Variants in DDR2 observed in about 807,000 individuals in gnomAD.
DDR2 encodes discoidin domain receptor tyrosine kinase 2.
DDR2 carries 27 observed loss-of-function variants against 94.9 expected under a neutral mutation model. That is an observed-to-expected ratio of 0.28 (90% confidence interval 0.21 to 0.39). DDR2 has a LOEUF of 0.39. Among genes scored for constraint, DDR2 ranks in the 10% least tolerant of loss-of-function variants. The probability of loss-of-function intolerance (pLI) is 1.00; values close to 1 mark genes in which losing one functional copy is unlikely to be tolerated. For synonymous variants in DDR2, 382 were observed against 377.2 expected, an observed-to-expected ratio of 1.01 and a Z score of -0.15; for missense variants, 783 against 1,076.0, an observed-to-expected ratio of 0.73 and a Z score of 3.81.
At chr1:162,772,728 A>G (rs1647292158) in intron 13 of DDR2, among the ~76,000 whole-genome samples, 1 of 152,134 alleles carries the variant, frequency 6.6e-6, no homozygotes, top group Non-Finnish European at 1.5e-5. Context: ...TAAGATAAGG[A>G]GGAGTACTCT....
intron 3 of DDR2, among the ~76,000 whole-genome samples, chr1:162,729,300 A>ATATATATATAT (rs1416872679): frequency 1.1e-5 from 1 of 94,002 alleles, no homozygotes; most frequent in African/African-American, 5.3e-5. Flanking sequence ...ATATATATAT[A>ATATATATATAT]TTTTTTTTTT....
intron 2 of DDR2, among the ~76,000 whole-genome samples, chr1:162,673,659 G>T (rs1309423172): frequency 6.6e-6 from 1 of 151,350 alleles, no homozygotes; most frequent in African/African-American, 2.4e-5. Flanking sequence ...GCAAGAGAGA[G>T]CCAGAATCTG....
chr1:162,648,993 A>C (rs61069461), intron 1 of DDR2, among the ~76,000 whole-genome samples: 138 of 151,612 alleles, frequency 9.1e-4, no homozygotes, highest in African/African-American at 2.8e-3. Context: ...ATCTCTCACC[A>C]CTCCCCAACC....
At chr1:162,640,110 C>A (rs535478014) in intron 1 of DDR2, among the ~76,000 whole-genome samples, 1 of 149,632 alleles carries the variant, frequency 6.7e-6, no homozygotes, top group African/African-American at 2.5e-5. Context: ...GGTGTGATCT[C>A]GGCTCACTGC....
chr1:162,646,501 C>T (rs1347306780), intron 1 of DDR2, among the ~76,000 whole-genome samples: 1 of 152,152 alleles, frequency 6.6e-6, no homozygotes, highest in East Asian at 1.9e-4. Flanking sequence ...CATGTGAGGA[C>T]ACATGACACC....
At position 162,773,278 on chromosome 1, in the gene DDR2, G is replaced by C. The variant is rs138992490; in HGVS notation, c.1729-191G>C. On this transcript the variant is annotated intron_variant, in intron 13 of 17. Coordinates refer to ENST00000367921, the MANE Select transcript of DDR2 (RefSeq NM_006182.4). The stretch of plus-strand genomic sequence containing the variant: ...AGGCAGGAGAGTGGCACATTAGCTG[G>C]GTACTTTACCATTGTTTTAAATCTT... Among the ~76,000 whole-genome samples the C allele has an allele frequency of 1.6e-4, 25 of 152,160 alleles. No individual in the cohort carries two copies. In the East Asian group the frequency reaches 4.6e-3, roughly 28 times the overall value.
At chr1:162,771,310 G>C (rs1381239864) in intron 12 of DDR2, among the ~76,000 whole-genome samples, 5 of 152,188 alleles carry the variant, frequency 3.3e-5, no homozygotes, top group African/African-American at 1.2e-4. Flanking sequence ...AGAGGAGCTA[G>C]GCCTGAGCTG....
intron 7 of DDR2, 48 bp from the exon 8 acceptor site, chr1:162,759,748 A>T: frequency 6.2e-7 from 1 of 1,609,834 alleles, no homozygotes; most frequent in Non-Finnish European, 8.5e-7. Flanking sequence ...ATGTGTGGTT[A>T]ACTCAGATTT....
intron 2 of DDR2, among the ~76,000 whole-genome samples, chr1:162,683,001 G>A (rs968479022): frequency 2.0e-5 from 3 of 152,082 alleles, no homozygotes; most frequent in Non-Finnish European, 4.4e-5. Flanking sequence ...CAAGATATTA[G>A]CAAATTGAAT....
chr1:162,687,549 G>A (rs1659743507), intron 2 of DDR2, among the ~76,000 whole-genome samples: 1 of 152,126 alleles, frequency 6.6e-6, no homozygotes, highest in African/African-American at 2.4e-5. Flanking sequence ...TTTCCCAACT[G>A]TCTTAGGAAA....
In DDR2 at chr1:162,687,046, G is replaced by A. The variant is rs147594541; in HGVS notation, c.-28+31672G>A. Among the ~76,000 whole-genome samples, 7 of 152,340 alleles carry A rather than the reference G, an allele frequency of 4.6e-5. No homozygotes were observed. The East Asian group carries it at 1.3e-3, about 29-fold the overall frequency. ...TGGGGCTCAGGAGGGCTCCTGACTG[G>A]GGAGAAAGTGGGAAGATCCAGAGCA... On this transcript the variant is annotated intron_variant, in intron 2 of 17. Coordinates refer to ENST00000367921, the MANE Select transcript of DDR2 (RefSeq NM_006182.4).
chr1:162,689,842 T>TAAAAAAAAAAAAA (rs1158650637), intron 2 of DDR2, among the ~76,000 whole-genome samples: 2 of 10,924 alleles, frequency 1.8e-4, no homozygotes, highest in East Asian at 3.2e-3. Context: ...CATCTCTACT[T>TAAAAAAAAAAAAA]AAAAAAAAAA....
At chr1:162,735,216 A>G (rs1662236504) in intron 3 of DDR2, among the ~76,000 whole-genome samples, 1 of 152,166 alleles carries the variant, frequency 6.6e-6, no homozygotes, top group African/African-American at 2.4e-5. Context: ...GAGCCTTTCC[A>G]GTTTTCATCA....
intron 2 of DDR2, among the ~76,000 whole-genome samples, chr1:162,684,628 A>G (rs778359384): frequency 2.0e-5 from 3 of 152,124 alleles, no homozygotes; most frequent in Non-Finnish European, 4.4e-5. Flanking sequence ...CAGCAATTTA[A>G]CAGTGGTTCA....
intron 9 of DDR2, among the ~76,000 whole-genome samples, chr1:162,762,859 CAG>C (rs1663809309): frequency 6.6e-6 from 1 of 152,096 alleles, no homozygotes; most frequent in African/African-American, 2.4e-5. Context: ...TATTTTTAGA[CAG>C]AGTCTCGCTC....
chr1:162,723,475 A>G (rs1346415479), intron 3 of DDR2, among the ~76,000 whole-genome samples: 1 of 152,104 alleles, frequency 6.6e-6, no homozygotes, highest in Non-Finnish European at 1.5e-5. Context: ...CCCCTAGGGG[A>G]TATAAAACCA....
intron 3 of DDR2, among the ~76,000 whole-genome samples, chr1:162,750,379 G>A (rs1193737144): frequency 1.3e-5 from 2 of 152,136 alleles, no homozygotes; most frequent in African/African-American, 2.4e-5. Context: ...AATCATGAGT[G>A]AACTCCCATT....
chr1:162,760,027 A>G, intron 8 of DDR2, 48 bp downstream of exon 8: 1 of 1,613,328 alleles, frequency 6.2e-7, no homozygotes, highest in Non-Finnish European at 8.5e-7. Context: ...GGCACAAATC[A>G]TAGTGTGGTA....
chr1:162,657,352 T>C (rs1173760348), intron 2 of DDR2, among the ~76,000 whole-genome samples: 1 of 152,190 alleles, frequency 6.6e-6, no homozygotes, highest in African/African-American at 2.4e-5. Flanking sequence ...ACGATCAGAC[T>C]GAGTTTTTCA....
Sources: gnomAD v4.1 joint callset for allele counts (sites outside exome capture counted in the v4.1 genomes callset) on GRCh38, gnomAD v4.1.1 for gene constraint, MANE v1.5 for transcripts, NCBI Gene and HGNC (gene_info 2026-07-23, HGNC 2026-07-21) for gene names.